The following MGAT4A variants were observed in gnomAD, a reference collection of about 807,000 sequenced individuals.
MGAT4A encodes the protein alpha-1,3-mannosyl-glycoprotein 4-beta-N-acetylglucosaminyltransferase A, also known as N-acetylglucosaminyltransferase IVa.
MGAT4A carries 33 observed loss-of-function variants against 74.1 expected under a neutral mutation model. The observed-to-expected ratio is 0.45, with a 90% CI of 0.34 to 0.60. The LOEUF (loss-of-function observed/expected upper bound fraction) is 0.60, where lower values mean the gene tolerates loss of function less well. Among genes scored for constraint, MGAT4A ranks in the 20% least tolerant of loss-of-function variants. MGAT4A has a pLI of 0.02. For missense variants in MGAT4A, 479 were observed against 628.3 expected (o/e 0.76, Z 2.54); for synonymous variants, 198 against 210.4 (o/e 0.94, Z 0.51).
At chr2:98,730,938 GGCCGCCAGCCCGGCCGCCGGC>G (rs1702845544) in intron 1 of MGAT4A, 89 bp downstream of exon 1, 1 of 146,744 alleles carries the variant, frequency 6.8e-6, no homozygotes, top group Non-Finnish European at 1.5e-5. Context: ...CGCAGCCCGG[GGCCGCCAGCCCGGCCGCCGGC>G]GCCGCCCCCA....
chr2:98,663,016 G>A (rs956350094), intron 5 of MGAT4A, 30 bp downstream of exon 5: 5 of 1,421,906 alleles, frequency 3.5e-6, no homozygotes, highest in Non-Finnish European at 4.7e-6. Flanking sequence ...GCTATATTTG[G>A]TAAAAACATA....
intron 8 of MGAT4A, among the ~76,000 whole-genome samples, chr2:98,647,604 C>T (rs1701511935): frequency 6.6e-6 from 1 of 152,236 alleles, no homozygotes; most frequent in Non-Finnish European, 1.5e-5. Context: ...CAGGCGTGAG[C>T]CACTGCGCCC....
At chr2:98,650,741 A>T (rs915349884) in intron 8 of MGAT4A, among the ~76,000 whole-genome samples, 1 of 152,170 alleles carries the variant, frequency 6.6e-6, no homozygotes, top group Non-Finnish European at 1.5e-5. Flanking sequence ...ACCTGAGGTC[A>T]GGAGTTCGCG....
chr2:98,709,928 T>C (rs1250882200), intron 2 of MGAT4A, among the ~76,000 whole-genome samples: 2 of 152,216 alleles, frequency 1.3e-5, no homozygotes, highest in Non-Finnish European at 1.5e-5. Context: ...TCCAGTCCTA[T>C]TAGAACTTCA....
At chr2:98,658,725 T>C (rs10207790) in intron 5 of MGAT4A, among the ~76,000 whole-genome samples, 7,251 of 152,286 alleles carry the variant, frequency 0.048, 395 homozygotes, top group African/African-American at 0.12. Flanking sequence ...TTACAGATTA[T>C]GAGATTAAAT....
At chr2:98,659,590 T>C (rs1001402196) in intron 5 of MGAT4A, among the ~76,000 whole-genome samples, 1 of 152,228 alleles carries the variant, frequency 6.6e-6, no homozygotes. Context: ...AACTGAATCA[T>C]GGGGGCAGTT....
intron 13 of MGAT4A, 45 bp downstream of exon 13, chr2:98,636,472 T>A: frequency 7.2e-7 from 1 of 1,388,242 alleles, no homozygotes; most frequent in Non-Finnish European, 1.0e-6. Context: ...CTAAGTCTAC[T>A]AGTATTAGTT....
intron 3 of MGAT4A, among the ~76,000 whole-genome samples, chr2:98,675,913 T>G (rs1467130955): frequency 6.6e-6 from 1 of 152,184 alleles, no homozygotes; most frequent in Non-Finnish European, 1.5e-5. Context: ...ATTTTTTTTC[T>G]GAAAACTTCA....
chr2:98,681,643 T>C (rs2104293611), intron 2 of MGAT4A, among the ~76,000 whole-genome samples: 1 of 152,252 alleles, frequency 6.6e-6, no homozygotes, highest in Admixed American at 6.5e-5. Context: ...TCAACACCAT[T>C]TGCCACTAAA....
chr2:98,662,080 T>C (rs879495655), intron 5 of MGAT4A, among the ~76,000 whole-genome samples: 2 of 152,192 alleles, frequency 1.3e-5, no homozygotes, highest in Non-Finnish European at 2.9e-5. Flanking sequence ...TGTTCCATAG[T>C]GCATGCTGGA....
intron 4 of MGAT4A, 63 bp downstream of exon 4, chr2:98,674,972 T>TA (rs1326418438): frequency 1.3e-6 from 2 of 1,549,794 alleles, no homozygotes; most frequent in Non-Finnish European, 1.8e-6. Flanking sequence ...ATGGTCAACA[T>TA]AATAGTCCAA....
intron 2 of MGAT4A, among the ~76,000 whole-genome samples, chr2:98,681,022 A>G (rs571746206): frequency 0.012 from 1,772 of 152,194 alleles, 16 homozygotes; most frequent in Middle Eastern, 0.027. Flanking sequence ...TCGCTCTGTC[A>G]CCCAGGCTGG....
Position 98,722,053 on chromosome 2 carries a change from T to C in MGAT4A, c.94+4186A>G, listed in dbSNP as rs115971894. Reference sequence around the variant, plus strand: ...ACAGATTGAAGTAAAAGTATAAGAATGTGTACAGGTCTCATCACTTTGAAA... The same window carrying C: ...ACAGATTGAAGTAAAAGTATAAGAACGTGTACAGGTCTCATCACTTTGAAA... On this transcript the variant is annotated intron_variant, in intron 2 of 15. Transcript: ENST00000393487. 4.2e-3 allele frequency among the ~76,000 whole-genome samples: 636 copies of C among 152,320 alleles called. 5 individuals are homozygous for C. The highest frequency in any genetic ancestry group is 0.015 in the African/African-American group (603 of 41,576).
chr2:98,635,414 C>T lies in MGAT4A; in HGVS notation c.1402-126G>A, dbSNP rs889689744. 3 of 646,952 alleles carry T rather than the reference C, an allele frequency of 4.6e-6. No individual in the cohort carries two copies. In the African/African-American group the frequency reaches 5.5e-5, roughly 12 times the overall value. The allele number at this position is 646,952 out of a possible 1,614,324, so 40.1% of individuals were successfully genotyped here. A position where few individuals can be genotyped will look rare whatever the true frequency, so the allele number is the denominator to read the frequency against. On this transcript the variant is annotated intron_variant, in intron 13 of 15. Transcript: ENST00000393487. ...CTATCCCTAAAAAGAGAAATATCAT[C>T]TCAGTCTTGAACTTTAAAAAACTTA... is the stretch of plus-strand genomic sequence containing the variant.
intron 3 of MGAT4A, among the ~76,000 whole-genome samples, chr2:98,676,368 A>G (rs538412668): frequency 4.0e-4 from 61 of 152,348 alleles, no homozygotes; most frequent in South Asian, 1.0e-3. Flanking sequence ...AAACAGCAGC[A>G]AAAACCTTAA....
chr2:98,644,138 T>C (rs978142263), intron 9 of MGAT4A, 85 bp from the exon 10 acceptor site: 82 of 1,285,332 alleles, frequency 6.4e-5, no homozygotes, highest in Non-Finnish European at 7.4e-5. Flanking sequence ...GCCCACGACA[T>C]ACACTGAGGC....
chr2:98,636,030 C>T (rs1004391642), intron 13 of MGAT4A, among the ~76,000 whole-genome samples: 2 of 103,474 alleles, frequency 1.9e-5, no homozygotes, highest in Admixed American at 8.8e-5. Flanking sequence ...AAATAAAATA[C>T]GATTCATTTC....
intron 14 of MGAT4A, among the ~76,000 whole-genome samples, chr2:98,631,079 C>T (rs1004493753): frequency 6.6e-6 from 1 of 152,250 alleles, no homozygotes; most frequent in Non-Finnish European, 1.5e-5. Flanking sequence ...CACTGGGTCT[C>T]TGCAGAAGGT....
chr2:98,681,473 T>C (rs1702058825), intron 2 of MGAT4A, among the ~76,000 whole-genome samples: 1 of 152,188 alleles, frequency 6.6e-6, no homozygotes, highest in Non-Finnish European at 1.5e-5. Context: ...ATGTGTTATA[T>C]GGTTTCAGTC....
Sources: allele counts gnomAD v4.1 joint callset (sites outside exome capture counted in the v4.1 genomes callset), GRCh38; gene constraint gnomAD v4.1.1; transcripts MANE v1.5; gene names NCBI Gene and HGNC (gene_info 2026-07-23, HGNC 2026-07-21).